Variants in VAV3 observed in about 807,000 individuals in gnomAD.
VAV3 encodes guanine nucleotide exchange factor VAV3.
A neutral mutation model predicts 131.2 loss-of-function variants in VAV3; 94 were observed. The observed-to-expected ratio is 0.72, with a 90% CI of 0.61 to 0.85. The LOEUF (loss-of-function observed/expected upper bound fraction) is 0.85, where lower values mean the gene tolerates loss of function less well. VAV3 is among the 40% of genes least tolerant of loss of function. VAV3 has a pLI of 0.00. For missense variants in VAV3, 939 were observed against 1,002.7 expected, an observed-to-expected ratio of 0.94 and a Z score of 0.86; for synonymous variants, 349 against 342.0, an observed-to-expected ratio of 1.02 and a Z score of -0.22.
intron 20 of VAV3, among the ~76,000 whole-genome samples, chr1:107,622,088 C>A (rs983383765): frequency 1.3e-5 from 2 of 152,072 alleles, no homozygotes; most frequent in Non-Finnish European, 2.9e-5. Flanking sequence ...AATAACAATG[C>A]CTTTTTCCTG....
At chr1:107,747,217 T>C (rs1351769938) in intron 15 of VAV3, among the ~76,000 whole-genome samples, 1 of 152,214 alleles carries the variant, frequency 6.6e-6, no homozygotes, top group Non-Finnish European at 1.5e-5. Context: ...CTGTTTGTTT[T>C]ATGGCAACTG....
chr1:107,630,074 A>C (rs2101370416), intron 20 of VAV3, among the ~76,000 whole-genome samples: 1 of 152,326 alleles, frequency 6.6e-6, no homozygotes, highest in African/African-American at 2.4e-5. Flanking sequence ...ACATCTCGAT[A>C]AGTTTTCTAG....
At chr1:107,796,790 T>TA (rs796941492) in intron 2 of VAV3, among the ~76,000 whole-genome samples, 4,793 of 132,156 alleles carry the variant, frequency 0.036, 186 homozygotes, top group Admixed American at 0.12. Flanking sequence ...CTGTTATTTG[T>TA]AAAAAAAAAA....
At chr1:107,631,818 T>C (rs1215609666) in intron 20 of VAV3, among the ~76,000 whole-genome samples, 1 of 152,112 alleles carries the variant, frequency 6.6e-6, no homozygotes, top group Non-Finnish European at 1.5e-5. Flanking sequence ...CATCATTTTT[T>C]ATGGCTGCAT....
At position 107,705,049 on chromosome 1, in the gene VAV3, T is replaced by C. The variant is rs34392412; in HGVS notation, c.1515A>G (p.Arg505=). Residue 505 remains arginine (R), a synonymous_variant, in exon 16 of 27, where the codon AGA becomes AGG. Transcript: ENST00000370056. ...GGAAATTGGAGTCTGCATAGTCTGG[T>C]CTTATGTTAGACCTAAAAAAAGGAA... is the stretch of plus-strand genomic sequence containing the variant. ...EQFEMALSNI[R]PDYADSNFHD... is the part of the protein sequence containing the mutation. 2.1e-3 allele frequency: 3,328 copies of C among 1,611,204 alleles called. 42 individuals carry two copies. The African/African-American group carries it at 0.027, about 13-fold the overall frequency.
intron 17 of VAV3, among the ~76,000 whole-genome samples, chr1:107,689,988 T>C (rs1177022729): frequency 6.6e-6 from 1 of 152,148 alleles, no homozygotes; most frequent in African/African-American, 2.4e-5. Flanking sequence ...CTGAGAGTCA[T>C]AAACTGCAGG....
intron 1 of VAV3, among the ~76,000 whole-genome samples, chr1:107,882,577 T>C (rs1670834842): frequency 6.6e-6 from 1 of 152,140 alleles, no homozygotes; most frequent in Non-Finnish European, 1.5e-5. Context: ...AGGAATATAA[T>C]AATATCAAGC....
intron 1 of VAV3, among the ~76,000 whole-genome samples, chr1:107,895,083 G>A (rs1003319804): frequency 1.3e-5 from 2 of 152,030 alleles, no homozygotes; most frequent in Admixed American, 1.3e-4. Context: ...CAAGAGGAAG[G>A]GACTGAGTTT....
intron 3 of VAV3, among the ~76,000 whole-genome samples, chr1:107,778,307 G>C (rs1665480361): frequency 6.6e-6 from 1 of 151,944 alleles, no homozygotes; most frequent in South Asian, 2.1e-4. Context: ...ATTTTATTAT[G>C]CAAGTTCATT....
chr1:107,929,949 T>C (rs1673343989), intron 1 of VAV3, among the ~76,000 whole-genome samples: 1 of 152,094 alleles, frequency 6.6e-6, no homozygotes, highest in South Asian at 2.1e-4. Context: ...AGAGACAAAC[T>C]TTGCATGGTC....
intron 15 of VAV3, among the ~76,000 whole-genome samples, chr1:107,731,837 TA>T (rs1662257491): frequency 6.6e-6 from 1 of 152,204 alleles, no homozygotes; most frequent in Admixed American, 6.5e-5. Flanking sequence ...TAAAACTGTA[TA>T]GTTTCTGAAG....
At position 107,607,080 on chromosome 1, in the gene VAV3, G is replaced by A. The variant is rs137998136; in HGVS notation, c.2015+2851C>T. Among the ~76,000 whole-genome samples, 450 of 151,264 alleles carry A rather than the reference G, an allele frequency of 3.0e-3. 2 individuals are homozygous for A. Among genetic ancestry groups the A allele is most frequent in the African/African-American group, 0.01 (424 of 41,188 alleles). On this transcript the variant is annotated intron_variant, in intron 22 of 26. Coordinates refer to ENST00000370056, the MANE Select transcript of VAV3 (RefSeq NM_006113.5). ...AGTGATTCTCCTGCCTCAGCCTCCCGAGTAGCTAGGATTACAGGCACCCAC... is the reference window on the plus strand; with the variant it reads ...AGTGATTCTCCTGCCTCAGCCTCCCAAGTAGCTAGGATTACAGGCACCCAC...
At chr1:107,676,238 C>T (rs1658201886) in intron 19 of VAV3, among the ~76,000 whole-genome samples, 1 of 152,184 alleles carries the variant, frequency 6.6e-6, no homozygotes, top group South Asian at 2.1e-4. Flanking sequence ...GCACAGAAGC[C>T]AGGCTGGCCA....
At chr1:107,574,534 G>A (rs1004578085) in intron 25 of VAV3, among the ~76,000 whole-genome samples, 1 of 152,164 alleles carries the variant, frequency 6.6e-6, no homozygotes, top group South Asian at 2.1e-4. Context: ...TATCTAAGGA[G>A]ATAGATTCTA....
intron 12 of VAV3, among the ~76,000 whole-genome samples, chr1:107,752,875 G>A (rs900559920): frequency 6.6e-6 from 1 of 152,174 alleles, no homozygotes; most frequent in African/African-American, 2.4e-5. Flanking sequence ...GGCAGCTGCT[G>A]TGGAAAATGG....
chr1:107,908,096 T>G (rs1181588173), intron 1 of VAV3, among the ~76,000 whole-genome samples: 2 of 152,212 alleles, frequency 1.3e-5, no homozygotes, highest in African/African-American at 4.8e-5. Context: ...ACTTTCAAGC[T>G]CTTTCACAGT....
chr1:107,922,691 G>A (rs896975062), intron 1 of VAV3, among the ~76,000 whole-genome samples: 1 of 151,992 alleles, frequency 6.6e-6, no homozygotes, highest in African/African-American at 2.4e-5. Flanking sequence ...GGTGGCTCAC[G>A]CCTGTAATCC....
At chr1:107,814,900 A>G (rs1667500177) in intron 2 of VAV3, among the ~76,000 whole-genome samples, 1 of 152,198 alleles carries the variant, frequency 6.6e-6, no homozygotes, top group African/African-American at 2.4e-5. Context: ...AATTGGGTTT[A>G]TATCTTCAGT....
At chr1:107,881,955 A>G (rs1670802529) in intron 1 of VAV3, among the ~76,000 whole-genome samples, 1 of 152,214 alleles carries the variant, frequency 6.6e-6, no homozygotes, top group Admixed American at 6.5e-5. Context: ...TTAAAAGTGT[A>G]TGGTTTCCTT....
Sources: allele counts gnomAD v4.1 joint callset (sites outside exome capture counted in the v4.1 genomes callset), GRCh38; gene constraint gnomAD v4.1.1; transcripts MANE v1.5; gene names NCBI Gene and HGNC (gene_info 2026-07-23, HGNC 2026-07-21).